NTMT2: variants seen among roughly 807,000 people sequenced by gnomAD.
NTMT2 encodes the protein X-Pro-Lys N-terminal protein methyltransferase 1B.
Under a neutral mutation model 23.4 loss-of-function variants are expected in NTMT2, and 21 were observed. That is an observed-to-expected ratio of 0.90 (90% CI 0.64 to 1.29). The LOEUF (loss-of-function observed/expected upper bound fraction) is 1.29. NTMT2 is among the 50% of genes most tolerant of loss of function. The pLI is 0.00. For missense variants in NTMT2, 336 were observed against 352.0 expected (o/e 0.95, Z 0.36); for synonymous variants, 131 against 127.7 (o/e 1.03, Z -0.17).
At chr1:170,150,048 C>A (rs1456741880) in intron 1 of NTMT2, among the ~76,000 whole-genome samples, 3 of 152,118 alleles carry the variant, frequency 2.0e-5, no homozygotes, top group African/African-American at 7.2e-5. Flanking sequence ...AAATAAAGTC[C>A]TTCTTTCAAA....
At chr1:170,146,673 A>C (rs945485112) in intron 1 of NTMT2, among the ~76,000 whole-genome samples, 2 of 152,220 alleles carry the variant, frequency 1.3e-5, no homozygotes, top group Non-Finnish European at 2.9e-5. Context: ...ATGATAGATC[A>C]AAATGTGCTT....
In NTMT2 at chr1:170,167,979, A is replaced by C. The variant is rs1673431755; in HGVS notation, c.*222A>C. Among the ~76,000 whole-genome samples the C allele has an allele frequency of 6.6e-6, 1 of 152,184 alleles. No homozygotes were observed. Among genetic ancestry groups the C allele is most frequent in the Non-Finnish European group, 1.5e-5 (1 of 68,024 alleles). On this transcript the variant is annotated 3_prime_UTR_variant, in exon 4 of 4. Transcript: ENST00000439373. ...AATTCTGTGGATTTTCTGAAAAAAAAATGGAGTGAAATATCAGGAAACGTG... is the reference window on the plus strand; with the variant it reads ...AATTCTGTGGATTTTCTGAAAAAAACATGGAGTGAAATATCAGGAAACGTG...
intron 2 of NTMT2, among the ~76,000 whole-genome samples, chr1:170,163,150 C>CTTTTATT (rs1329628482): frequency 6.6e-6 from 1 of 152,272 alleles, no homozygotes; most frequent in East Asian, 1.9e-4. Context: ...AAGAGGCAGC[C>CTTTTATT]TGCTCCTTTG....
At chr1:170,160,433 G>C (rs1242113377) in intron 1 of NTMT2, 85 bp from the exon 2 acceptor site, 15 of 1,207,108 alleles carry the variant, frequency 1.2e-5, no homozygotes, top group Non-Finnish European at 1.7e-5. Flanking sequence ...AGATTCACAG[G>C]CTTTTAAAAG....
chr1:170,150,767 T>C (rs1355929044), intron 1 of NTMT2, among the ~76,000 whole-genome samples: 1 of 152,174 alleles, frequency 6.6e-6, no homozygotes, highest in African/African-American at 2.4e-5. Context: ...ACCAAATTTC[T>C]GTTAGAAGCT....
intron 1 of NTMT2, among the ~76,000 whole-genome samples, chr1:170,150,288 C>T (rs1673043773): frequency 6.6e-6 from 1 of 152,144 alleles, no homozygotes; most frequent in African/African-American, 2.4e-5. Flanking sequence ...CATGGAATAG[C>T]AAAGACATAC....
intron 1 of NTMT2, among the ~76,000 whole-genome samples, chr1:170,154,187 G>C (rs1673121095): frequency 6.6e-6 from 1 of 152,136 alleles, no homozygotes; most frequent in Admixed American, 6.5e-5. Context: ...AGGCTGCCAA[G>C]CATCTGGATT....
chr1:170,147,263 T>C (rs1157253411), intron 1 of NTMT2, among the ~76,000 whole-genome samples: 1 of 152,246 alleles, frequency 6.6e-6, no homozygotes, highest in Non-Finnish European at 1.5e-5. Context: ...ATATAACTTC[T>C]TTCTAAAACT....
In NTMT2 at chr1:170,160,693, G is replaced by A; in HGVS notation, c.330G>A (p.Gly110=). ...AGAAATTTCTTAGGAAATTTGTTGG[G>A]GTGAGTTATTCAACTGCAGCTTGAT... ...ASQKFLRKFV[G]GPGRAGTDCA... The change falls in exon 2 of 4, where the codon GGG becomes GGA. Residue 110 remains glycine (G), a splice_region_variant and synonymous_variant. Coordinates refer to ENST00000439373, the MANE Select transcript of NTMT2 (RefSeq NM_001136107.2). 6.5e-7 allele frequency: 1 copy of A among 1,527,632 alleles called. No individual in the cohort carries two copies. Among genetic ancestry groups the A allele is most frequent in the Non-Finnish European group, 8.8e-7 (1 of 1,138,724 alleles). The allele number at this position is 1,527,632 out of a possible 1,614,324, so 94.6% of individuals were successfully genotyped here.
rs1466630328 is a variant in NTMT2 at position 170,158,234 on chromosome 1, G to C, written c.155-2284G>C. ...AGTGTTTCTGATGAGATCTGTGATA[G>C]AAGCCTGATTCTAGTCTTTTGAACA... On this transcript the variant is annotated intron_variant, in intron 1 of 3. Coordinates refer to ENST00000439373, the MANE Select transcript of NTMT2 (RefSeq NM_001136107.2). 8 of 152,092 alleles carry C rather than the reference G, an allele frequency of 5.3e-5. No individual in the cohort carries two copies. In the East Asian group the frequency reaches 1.5e-3, roughly 29 times the overall value. The allele number at this position is 152,092 out of a possible 1,614,324, so 9.4% of individuals were successfully genotyped here. A position where few individuals can be genotyped will look rare whatever the true frequency, so the allele number is the denominator to read the frequency against.
chr1:170,153,500 AAATAAG>A (rs1225916068), intron 1 of NTMT2, among the ~76,000 whole-genome samples: 1 of 152,252 alleles, frequency 6.6e-6, no homozygotes, highest in Non-Finnish European at 1.5e-5. Flanking sequence ...TCTCAGATGG[AAATAAG>A]AAACTTATTG....
chr1:170,152,882 A>G (rs1673097722), intron 1 of NTMT2, among the ~76,000 whole-genome samples: 1 of 152,164 alleles, frequency 6.6e-6, no homozygotes, highest in Non-Finnish European at 1.5e-5. Flanking sequence ...TCTCATCCAA[A>G]TCTCATGTTG....
intron 1 of NTMT2, among the ~76,000 whole-genome samples, chr1:170,149,496 A>G (rs925117142): frequency 7.2e-5 from 11 of 152,338 alleles, no homozygotes; most frequent in African/African-American, 2.6e-4. Flanking sequence ...ATGAGAGTAA[A>G]GACTCGCCTA....
At position 170,146,194 on chromosome 1, in the gene NTMT2, C is replaced by T. The variant is rs778956755; in HGVS notation, c.87C>T (p.Ile29=). ...DELCRHSMSF[I]LHKAIRNDFF... Reference sequence around the variant, plus strand: ...TCTGTAGACATAGCATGTCTTTTATCCTTCACAAAGCCATTCGCAATGACT... The same window carrying T: ...TCTGTAGACATAGCATGTCTTTTATTCTTCACAAAGCCATTCGCAATGACT... Residue 29 remains isoleucine (I), a synonymous_variant, in exon 1 of 4, where the codon ATC becomes ATT. Coordinates refer to ENST00000439373, the MANE Select transcript of NTMT2 (RefSeq NM_001136107.2). 23 of 1,551,188 alleles carry T rather than the reference C, an allele frequency of 1.5e-5. No homozygotes were observed. In the South Asian group the frequency reaches 2.6e-4, roughly 18 times the overall value.
At position 170,167,600 on chromosome 1, in the gene NTMT2, A is replaced by T. The variant is rs1221749677; in HGVS notation, c.695A>T (p.Asp232Val). 6.4e-7 allele frequency: 1 copy of T among 1,551,674 alleles called. No individual in the cohort carries two copies. The highest frequency in any genetic ancestry group is 8.7e-7 in the Non-Finnish European group (1 of 1,146,982). The change falls in exon 4 of 4, where the codon GAT (aspartate) becomes GTT (valine). Residue 232 changes from aspartate to valine, a missense_variant. Asp to Val is a radical substitution (Grantham distance 152, BLOSUM62 -3). Coordinates refer to ENST00000439373, the MANE Select transcript of NTMT2 (RefSeq NM_001136107.2). ...GTGGCCCGGGAGGGCTGTATCCTTG[A>T]TCTCTCTGACAGCAGTGTGACTCGG... ...DNVAREGCIL[D>V]LSDSSVTRDM...
chr1:170,160,445 A>G lies in NTMT2; in HGVS notation c.155-73A>G, dbSNP rs1021526130. ...CACAGATTCACAGGCTTTTAAAAGG[A>G]AATGCAATGCATAAAGCTGAGATTT... On this transcript the variant is annotated intron_variant, in intron 1 of 3. Transcript: ENST00000439373. 8 of 1,255,610 alleles carry G rather than the reference A, an allele frequency of 6.4e-6. No homozygotes were observed. The African/African-American group carries it at 1.2e-4, about 19-fold the overall frequency. The allele number at this position is 1,255,610 out of a possible 1,614,324, so 77.8% of individuals were successfully genotyped here. A position where few individuals can be genotyped will look rare whatever the true frequency, so the allele number is the denominator to read the frequency against.
chr1:170,145,999 C>G lies in NTMT2; in HGVS notation c.-109C>G. Reference sequence around the variant, plus strand: ...TGTCCTGATATAGATGGAGAGGGGACTGGTTTAAAATGACAGTCTCAAGTT... The same window carrying G: ...TGTCCTGATATAGATGGAGAGGGGAGTGGTTTAAAATGACAGTCTCAAGTT... On this transcript the variant is annotated 5_prime_UTR_variant, in exon 1 of 4. Coordinates refer to ENST00000439373, the MANE Select transcript of NTMT2 (RefSeq NM_001136107.2). 1 of 1,047,434 alleles carries G rather than the reference C, an allele frequency of 9.5e-7. No homozygotes were observed. The highest frequency in any genetic ancestry group is 1.7e-5 in the South Asian group (1 of 60,274). 64.9% of individuals were successfully genotyped at this position (1,047,434 alleles called of 1,614,324 possible). A position where few individuals can be genotyped will look rare whatever the true frequency, so the allele number is the denominator to read the frequency against.
At chr1:170,158,309 T>C (rs1003186213) in intron 1 of NTMT2, among the ~76,000 whole-genome samples, 2 of 152,060 alleles carry the variant, frequency 1.3e-5, no homozygotes, top group Non-Finnish European at 2.9e-5. Context: ...AATTTTAACA[T>C]AATTGACAAA....
At chr1:170,156,773 G>C (rs1384491527) in intron 1 of NTMT2, among the ~76,000 whole-genome samples, 4 of 151,784 alleles carry the variant, frequency 2.6e-5, no homozygotes, top group Admixed American at 6.6e-5. Context: ...AGGTGAAAAT[G>C]AGAACTCAAG....
Sources: allele counts gnomAD v4.1 joint callset (sites outside exome capture counted in the v4.1 genomes callset), GRCh38; gene constraint gnomAD v4.1.1; transcripts MANE v1.5; gene names NCBI Gene and HGNC (gene_info 2026-07-23, HGNC 2026-07-21).